Variants in PFKP observed in about 807,000 individuals in gnomAD.
PFKP encodes the protein phosphofructokinase, platelet.
A neutral mutation model predicts 94.3 loss-of-function variants in PFKP; 101 were observed. The observed-to-expected ratio is 1.07, with a 90% confidence interval of 0.91 to 1.26. PFKP has a LOEUF of 1.26. Among genes scored for constraint, PFKP ranks in the 50% most tolerant of loss-of-function variants. The pLI is 0.00. For synonymous variants in PFKP, 573 were observed against 432.6 expected (o/e 1.32, Z -4.03); for missense variants, 1,145 against 1,103.3 (o/e 1.04, Z -0.53).
intron 1 of PFKP, chr10:3,070,117 A>G (rs1232042315): frequency 2.0e-5 from 3 of 152,196 alleles, no homozygotes; most frequent in Non-Finnish European, 4.4e-5. Flanking sequence ...GAAGCCCGCC[A>G]TGGCGGGTCG....
At position 3,109,276 on chromosome 10, in the gene PFKP, A is replaced by G. The variant is rs554703683; in HGVS notation, c.964-79A>G. 3.0e-4 allele frequency: 471 copies of G among 1,578,402 alleles called. 1 individual carries two copies. The Middle Eastern group carries it at 3.2e-3, about 11-fold the overall frequency. ...GTGAGCACCTGACTGAGGTCATTGG[A>G]CGTCATGGAAAGATAGGAGGTGACA... On this transcript the variant is annotated intron_variant, in intron 9 of 21. Coordinates refer to ENST00000381125, the MANE Select transcript of PFKP (RefSeq NM_002627.5).
At chr10:3,129,748 T>G in intron 16 of PFKP, 71 bp from the exon 17 acceptor site, 21 of 1,518,206 alleles carry the variant, frequency 1.4e-5, no homozygotes, top group East Asian at 2.3e-5. Flanking sequence ...CACTCACTCT[T>G]GGGGGAGCTC....
intron 1 of PFKP, among the ~76,000 whole-genome samples, chr10:3,078,057 T>C (rs886961130): frequency 1.3e-5 from 2 of 152,230 alleles, no homozygotes; most frequent in African/African-American, 2.4e-5. Context: ...CCAGATGGAT[T>C]AGCCCCAGGA....
chr10:3,127,253 C>T (rs947840247), intron 16 of PFKP, among the ~76,000 whole-genome samples: 19 of 152,386 alleles, frequency 1.2e-4, no homozygotes, highest in South Asian at 2.1e-4. Context: ...TACACTGAGA[C>T]GAGCACACAG....
Position 3,082,384 on chromosome 10 carries a change from G to C in PFKP, c.113-4G>C, listed in dbSNP as rs1412647258. ...AGTGACTCTTGCTCCTGTTTCCACT[G>C]CAGGTATGAACGCTGCCGTCCGTGC... is the stretch of plus-strand genomic sequence containing the variant. On this transcript the variant is annotated splice_region_variant and splice_polypyrimidine_tract_variant and intron_variant, in intron 1 of 21. Transcript: ENST00000381125. 4 of 1,603,910 alleles carry C rather than the reference G, an allele frequency of 2.5e-6. No individual in the cohort carries two copies. The highest frequency in any genetic ancestry group is 3.4e-6 in the Non-Finnish European group (4 of 1,173,454).
intron 1 of PFKP, among the ~76,000 whole-genome samples, chr10:3,081,455 A>C (rs1259847809): frequency 6.6e-6 from 1 of 152,230 alleles, no homozygotes; most frequent in African/African-American, 2.4e-5. Flanking sequence ...TTTGCAGAGG[A>C]GGAAGCTTGG....
intron 1 of PFKP, among the ~76,000 whole-genome samples, chr10:3,079,885 C>T (rs1394648173): frequency 2.0e-5 from 3 of 152,116 alleles, no homozygotes; most frequent in Non-Finnish European, 4.4e-5. Flanking sequence ...TGAGCGAGGA[C>T]CTTCCACAGG....
At chr10:3,101,249 T>G (rs1401748429) in intron 3 of PFKP, 116 bp from the exon 4 acceptor site, 6 of 906,346 alleles carry the variant, frequency 6.6e-6, no homozygotes, top group Non-Finnish European at 8.3e-6. Context: ...ACTCACAAGA[T>G]GAAAATGAGA....
In PFKP at chr10:3,121,822, TTTTTTTTTC is replaced by T. The variant is rs1423192993; in HGVS notation, c.1683+1786_1683+1794del. 3.2e-4 allele frequency among the ~76,000 whole-genome samples: 18 copies of T among 56,348 alleles called. 1 individual carries two copies. Among genetic ancestry groups the T allele is most frequent in the South Asian group, 8.8e-4 (1 of 1,140 alleles). The allele number at this position is 56,348 out of a possible 152,430, so 37.0% of individuals were successfully genotyped here. Reference sequence around the variant, plus strand: ...TTTTTTCTTTTTTTTTTTTTTTTTTTTTTTTTTTCTTTTTTTGGAGACAGGGCCTCACTC... The same window carrying T: ...TTTTTTCTTTTTTTTTTTTTTTTTTTTTTTTTTGGAGACAGGGCCTCACTC... On this transcript the variant is annotated intron_variant, in intron 16 of 21. Transcript: ENST00000381125.
intron 17 of PFKP, among the ~76,000 whole-genome samples, chr10:3,130,304 C>G (rs533543942): frequency 6.6e-6 from 1 of 152,236 alleles, no homozygotes; most frequent in South Asian, 2.1e-4. Context: ...AGTCACCACC[C>G]ACGTCTGCGA....
Position 3,136,648 on chromosome 10 carries a change from AT to A in PFKP, c.*70del. On this transcript the variant is annotated 3_prime_UTR_variant, in exon 22 of 22. Coordinates refer to ENST00000381125, the MANE Select transcript of PFKP (RefSeq NM_002627.5). ...GTTTTTGTAACACTTAAGTTATTTT[AT>A]CAGCACTTTATGCACGTATTATTGA... The A allele has an allele frequency of 1.9e-6, 3 of 1,546,122 alleles. No homozygotes were observed. The highest frequency in any genetic ancestry group is 3.5e-5 in the Admixed American group (2 of 56,956).
intron 16 of PFKP, among the ~76,000 whole-genome samples, chr10:3,128,612 C>T (rs1411829493): frequency 2.7e-5 from 4 of 148,056 alleles, no homozygotes; most frequent in African/African-American, 5.0e-5. Context: ...GGGCCTTGCA[C>T]GCCTTGTACG....
intron 12 of PFKP, 24 bp from the exon 13 acceptor site, chr10:3,113,348 A>G (rs4881085): frequency 0.89 from 1,401,243 of 1,573,858 alleles, 625,647 homozygotes; most frequent in East Asian, 0.99. Flanking sequence ...GTGACCCAGC[A>G]CTCACCTGCC....
chr10:3,135,863 C>T (rs181906102), intron 21 of PFKP, 25 bp downstream of exon 21: 4 of 1,363,242 alleles, frequency 2.9e-6, no homozygotes, highest in South Asian at 2.3e-5. Flanking sequence ...TTCCCTGAGG[C>T]AATAAGACCC....
intron 21 of PFKP, among the ~76,000 whole-genome samples, chr10:3,136,064 G>A (rs1283084404): frequency 6.6e-6 from 1 of 152,138 alleles, no homozygotes; most frequent in Non-Finnish European, 1.5e-5. Flanking sequence ...AAGAGATCGA[G>A]ACCAACCTGG....
intron 4 of PFKP, among the ~76,000 whole-genome samples, chr10:3,102,250 C>CAAAAAAAAAAA (rs757381364): frequency 0.018 from 981 of 54,770 alleles, 58 homozygotes; most frequent in Middle Eastern, 0.12. Flanking sequence ...GACTCTGTCT[C>CAAAAAAAAAAA]AAAAAAAAAA....
Position 3,108,696 on chromosome 10 carries a change from T to C in PFKP, c.871-5T>C, listed in dbSNP as rs1835870107. On this transcript the variant is annotated splice_polypyrimidine_tract_variant and splice_region_variant and intron_variant, in intron 8 of 21. Transcript: ENST00000381125. ...TCCGCATCCTAACGAGATGTTTCCT[T>C]GCAGCTTGTCGTCACGCAGCTGGGC... 1.9e-6 allele frequency: 3 copies of C among 1,611,860 alleles called. No homozygotes were observed. Among genetic ancestry groups the C allele is most frequent in the Non-Finnish European group, 2.5e-6 (3 of 1,177,978 alleles).
In PFKP at chr10:3,101,392, T is replaced by G; in HGVS notation, c.292T>G (p.Cys98Gly). 1.3e-6 allele frequency: 2 copies of G among 1,598,090 alleles called. No individual in the cohort carries two copies. The highest frequency in any genetic ancestry group is 1.7e-6 in the Non-Finnish European group (2 of 1,172,804). The change falls in exon 4 of 22, where the codon TGC becomes GGC. Residue 98 changes from cysteine to glycine, a missense_variant. Around this residue, in one of 3 missense-constraint regions of PFKP, gnomAD observed 1,119 missense variants for 1,062.8 expected, o/e 1.05. Transcript: ENST00000381125. ...CGGGACGATCATTGGCAGTGCGCGG[T>G]GCCAGGCCTTCCGCACGCGGGAAGG... The part of the protein sequence containing the change: ...VGGTIIGSAR[C>G]QAFRTREGRL...
intron 1 of PFKP, among the ~76,000 whole-genome samples, chr10:3,069,991 C>T (rs1176304586): frequency 2.0e-5 from 3 of 152,210 alleles, no homozygotes; most frequent in African/African-American, 7.2e-5. Flanking sequence ...ATGTGGGGAA[C>T]GCGGCTTGGT....
Sources: allele counts gnomAD v4.1 joint callset (sites outside exome capture counted in the v4.1 genomes callset), GRCh38; gene constraint gnomAD v4.1.1; regional missense constraint gnomAD v4.1.1; transcripts MANE v1.5; gene names NCBI Gene and HGNC (gene_info 2026-07-23, HGNC 2026-07-21).